Variants in ATRNL1 observed in about 807,000 individuals in gnomAD.
The protein encoded by ATRNL1 is attractin-like protein 1.
ATRNL1 carries 95 observed loss-of-function variants against 182.7 expected under a neutral mutation model. The ratio of observed to expected loss-of-function variants is 0.52; its 90% confidence interval spans 0.44 to 0.62. The LOEUF is 0.62. Ranked by LOEUF, ATRNL1 falls within the 20% of genes least tolerant of loss-of-function variation. The pLI is 0.00. For missense variants in ATRNL1, 1,471 were observed against 1,679.5 expected, an observed-to-expected ratio of 0.88 and a Z score of 2.17; for synonymous variants, 576 against 568.3, an observed-to-expected ratio of 1.01 and a Z score of -0.19.
intron 20 of ATRNL1, among the ~76,000 whole-genome samples, chr10:115,421,607 G>A (rs1468345039): frequency 6.6e-6 from 1 of 152,112 alleles, no homozygotes; most frequent in Non-Finnish European, 1.5e-5. Context: ...AAAGTTGAAA[G>A]CTTTCCCTTT....
chr10:115,545,314 CAT>C (rs1240709042), intron 25 of ATRNL1, among the ~76,000 whole-genome samples: 1 of 147,734 alleles, frequency 6.8e-6, no homozygotes, highest in Non-Finnish European at 1.5e-5. Context: ...CAAGTAGTAA[CAT>C]ATATTTTACT....
At chr10:115,622,455 G>T (rs1555023272) in intron 26 of ATRNL1, among the ~76,000 whole-genome samples, 1 of 152,116 alleles carries the variant, frequency 6.6e-6, no homozygotes, top group Admixed American at 6.6e-5. Flanking sequence ...ACAGACATTT[G>T]TAATTGTTCT....
chr10:115,481,456 G>A (rs1848762548), intron 24 of ATRNL1, among the ~76,000 whole-genome samples: 1 of 150,682 alleles, frequency 6.6e-6, no homozygotes, highest in Non-Finnish European at 1.5e-5. Context: ...TCAAGGTATT[G>A]TATATGATTT....
intron 26 of ATRNL1, among the ~76,000 whole-genome samples, chr10:115,602,416 G>A (rs1856643343): frequency 7.0e-6 from 1 of 142,158 alleles, no homozygotes; most frequent in Non-Finnish European, 1.5e-5. Context: ...GACACTAAAT[G>A]TTTGGGATTT....
At position 115,879,446 on chromosome 10, in the gene ATRNL1, C is replaced by T. The variant is rs539854372; in HGVS notation, c.4018+31455C>T. On this transcript the variant is annotated intron_variant, in intron 28 of 28. Coordinates refer to ENST00000355044, the MANE Select transcript of ATRNL1 (RefSeq NM_207303.4). ...CCAGCTGTCAAGTCAATGCTCAAAG[C>T]ATGATGCTATGTAGCCATAGGAGAG... Among the ~76,000 whole-genome samples, 13 of 152,174 alleles carry T rather than the reference C, an allele frequency of 8.5e-5. No homozygotes were observed. The South Asian group carries it at 1.0e-3, about 12-fold the overall frequency.
chr10:115,300,490 G>A (rs115498751), intron 16 of ATRNL1, among the ~76,000 whole-genome samples: 1,789 of 152,180 alleles, frequency 0.012, 34 homozygotes, highest in African/African-American at 0.04. Flanking sequence ...CTTATAATAT[G>A]ACAATAATCT....
At chr10:115,415,797 A>G (rs1845361463) in intron 20 of ATRNL1, among the ~76,000 whole-genome samples, 1 of 151,902 alleles carries the variant, frequency 6.6e-6, no homozygotes, top group African/African-American at 2.4e-5. Context: ...AAGTTGTCTT[A>G]ATTTATTATG....
intron 5 of ATRNL1, 44 bp from the exon 6 acceptor site, chr10:115,159,996 G>C (rs1554882841): frequency 7.2e-7 from 1 of 1,392,762 alleles, no homozygotes. Context: ...ATAATCTGAG[G>C]GCTTTGTTTA....
chr10:115,273,266 G>T (rs114041121), intron 13 of ATRNL1, among the ~76,000 whole-genome samples: 180 of 152,330 alleles, frequency 1.2e-3, no homozygotes, highest in African/African-American at 4.1e-3. Context: ...AATGACACAG[G>T]TGGCTAGGGA....
chr10:115,537,556 A>T (rs1316675181), intron 25 of ATRNL1, among the ~76,000 whole-genome samples: 2 of 152,156 alleles, frequency 1.3e-5, no homozygotes, highest in African/African-American at 4.8e-5. Context: ...TAAATTATTA[A>T]CTCCACTGTT....
At chr10:115,697,451 G>A (rs999741089) in intron 26 of ATRNL1, among the ~76,000 whole-genome samples, 23 of 151,898 alleles carry the variant, frequency 1.5e-4, no homozygotes, top group African/African-American at 5.1e-4. Context: ...TCAGCCTCCC[G>A]AATAGCTGGC....
intron 21 of ATRNL1, among the ~76,000 whole-genome samples, chr10:115,449,122 A>G (rs782643829): frequency 2.0e-5 from 3 of 152,198 alleles, no homozygotes; most frequent in Non-Finnish European, 4.4e-5. Context: ...AGAAATTTCT[A>G]TCACCATATT....
At chr10:115,391,641 CT>C (rs1473025472) in intron 19 of ATRNL1, among the ~76,000 whole-genome samples, 1 of 151,028 alleles carries the variant, frequency 6.6e-6, no homozygotes, top group Non-Finnish European at 1.5e-5. Context: ...TTCTTTCGGA[CT>C]GCAGTAAGGT....
At chr10:115,879,298 T>C (rs1951769990) in intron 28 of ATRNL1, among the ~76,000 whole-genome samples, 1 of 1,902 alleles carries the variant, frequency 5.3e-4, no homozygotes, top group African/African-American at 9.3e-4. Flanking sequence ...CGTGCAACTC[T>C]CTATCTCAAA....
At chr10:115,177,179 A>G (rs1847544743) in intron 8 of ATRNL1, among the ~76,000 whole-genome samples, 1 of 152,192 alleles carries the variant, frequency 6.6e-6, no homozygotes, top group African/African-American at 2.4e-5. Flanking sequence ...CCTCAAGTAC[A>G]ATCATTACTA....
At chr10:115,277,079 G>C (rs1401046721) in intron 13 of ATRNL1, among the ~76,000 whole-genome samples, 1 of 151,380 alleles carries the variant, frequency 6.6e-6, no homozygotes, top group Non-Finnish European at 1.5e-5. Flanking sequence ...TTTTTAGTTA[G>C]CTATCAAATG....
chr10:115,712,550 A>G (rs1447103039), intron 26 of ATRNL1, among the ~76,000 whole-genome samples: 2 of 152,202 alleles, frequency 1.3e-5, no homozygotes, highest in African/African-American at 4.8e-5. Flanking sequence ...TCTTAGAGAA[A>G]CATTGCTGCC....
At chr10:115,199,795 A>G (rs1436108922) in intron 8 of ATRNL1, among the ~76,000 whole-genome samples, 1 of 152,142 alleles carries the variant, frequency 6.6e-6, no homozygotes, top group African/African-American at 2.4e-5. Flanking sequence ...CTTTTTCAGT[A>G]AACTATTTTC....
chr10:115,846,155 C>G (rs1464459646), intron 27 of ATRNL1, among the ~76,000 whole-genome samples: 1 of 152,028 alleles, frequency 6.6e-6, no homozygotes, highest in South Asian at 2.1e-4. Flanking sequence ...AGTATTGCAA[C>G]ATGGCTTACA....
Sources: gnomAD v4.1 joint callset for allele counts (sites outside exome capture counted in the v4.1 genomes callset) on GRCh38, gnomAD v4.1.1 for gene constraint, MANE v1.5 for transcripts, NCBI Gene and HGNC (gene_info 2026-07-23, HGNC 2026-07-21) for gene names.